POC1A: variants seen among roughly 807,000 people sequenced by gnomAD.
POC1A encodes the protein POC1 centriolar protein homolog A.
In POC1A, 34 loss-of-function variants were observed where a neutral mutation model predicts 47.8. The ratio of observed to expected loss-of-function variants is 0.71; its 90% confidence interval spans 0.54 to 0.95. POC1A has a LOEUF of 0.95. Among genes scored for constraint, POC1A ranks in the 40% least tolerant of loss-of-function variants. The probability of loss-of-function intolerance (pLI) is 0.00; values close to 1 mark genes in which losing one functional copy is unlikely to be tolerated. For missense variants in POC1A, 466 were observed against 528.3 expected (o/e 0.88, Z 1.16); for synonymous variants, 177 against 207.6 (o/e 0.85, Z 1.27).
chr3:52,140,179 C>A (rs564847006), intron 6 of POC1A, among the ~76,000 whole-genome samples: 1 of 152,270 alleles, frequency 6.6e-6, no homozygotes, highest in Non-Finnish European at 1.5e-5. Context: ...GCTGATGTGC[C>A]GATGTGCCGG....
chr3:52,113,617 G>A (rs1172563494), intron 9 of POC1A, among the ~76,000 whole-genome samples: 1 of 152,160 alleles, frequency 6.6e-6, no homozygotes, highest in Non-Finnish European at 1.5e-5. Context: ...CAGGAGAATC[G>A]CTTGAACTCG....
At chr3:52,093,257 C>T (rs1372075273) in intron 10 of POC1A, among the ~76,000 whole-genome samples, 1 of 152,200 alleles carries the variant, frequency 6.6e-6, no homozygotes, top group Admixed American at 6.5e-5. Flanking sequence ...CAGATTCAGT[C>T]CTGAGTTCTT....
At chr3:52,139,401 G>A (rs1698102697) in intron 6 of POC1A, among the ~76,000 whole-genome samples, 1 of 152,046 alleles carries the variant, frequency 6.6e-6, no homozygotes, top group Non-Finnish European at 1.5e-5. Context: ...CTTTTCTGGT[G>A]TCCCTCACTC....
intron 1 of POC1A, 35 bp from the exon 2 acceptor site, chr3:52,151,135 G>C: frequency 6.2e-7 from 1 of 1,612,556 alleles, no homozygotes; most frequent in Non-Finnish European, 8.5e-7. Context: ...TGTGAAGCCT[G>C]GGTGAGGAAG....
rs1703438696 is a variant in POC1A, at chr3:52,113,082, C to T, written c.981+9297G>A. 2.0e-5 allele frequency among the ~76,000 whole-genome samples: 3 copies of T among 152,212 alleles called. 1 individual carries two copies. The South Asian group carries it at 6.2e-4, about 32-fold the overall frequency. ...GCAGGAGGCTTACCATGATAACTGT[C>T]AAATGTTAAAAGGCCTGTCTCTTCA... is the stretch of plus-strand genomic sequence containing the variant. On this transcript the variant is annotated intron_variant, in intron 9 of 10. Transcript: ENST00000296484.
intron 1 of POC1A, among the ~76,000 whole-genome samples, chr3:52,152,250 G>A (rs1698580714): frequency 6.6e-6 from 1 of 152,120 alleles, no homozygotes; most frequent in Non-Finnish European, 1.5e-5. Context: ...ACTCCAGCCT[G>A]GGCAACAGAG....
At chr3:52,114,314 A>G (rs149786547) in intron 9 of POC1A, among the ~76,000 whole-genome samples, 1 of 152,310 alleles carries the variant, frequency 6.6e-6, no homozygotes, top group East Asian at 1.9e-4. Context: ...GCCCCAGTAC[A>G]TCCCATGTAA....
intron 9 of POC1A, among the ~76,000 whole-genome samples, chr3:52,111,672 A>T (rs1703393056): frequency 6.6e-6 from 1 of 151,006 alleles, no homozygotes; most frequent in Admixed American, 6.6e-5. Context: ...AAAAAAAAAA[A>T]AAAAGAGGCT....
At chr3:52,095,267 T>C (rs1017879975) in intron 10 of POC1A, among the ~76,000 whole-genome samples, 1 of 152,196 alleles carries the variant, frequency 6.6e-6, no homozygotes, top group Non-Finnish European at 1.5e-5. Context: ...GTCTGTACAC[T>C]GGGCCCTGGA....
At chr3:52,085,739 C>T (rs1317790674) in intron 10 of POC1A, among the ~76,000 whole-genome samples, 1 of 152,228 alleles carries the variant, frequency 6.6e-6, no homozygotes, top group African/African-American at 2.4e-5. Flanking sequence ...ACTAACTCGC[C>T]GAGCAGCCTT....
At chr3:52,082,651 C>G (rs140093313) in intron 10 of POC1A, among the ~76,000 whole-genome samples, 1 of 152,068 alleles carries the variant, frequency 6.6e-6, no homozygotes, top group African/African-American at 2.4e-5. Flanking sequence ...CAGTTCAAGA[C>G]GTGTAAAACG....
At position 52,151,097 on chromosome 3, in the gene POC1A, C is replaced by T. The variant is rs749111777; in HGVS notation, c.22G>A (p.Asp8Asn). Reference protein sequence around the residue: MAAPCAEDPSLERHFKGH... With the variant: MAAPCAENPSLERHFKGH... Reference sequence around the variant, plus strand: ...TTAAAATGCCTTTCCAGCGAGGGGTCCTCCTGAGAGAGAGCCAGGGTCAAA... The same window carrying T: ...TTAAAATGCCTTTCCAGCGAGGGGTTCTCCTGAGAGAGAGCCAGGGTCAAA... The change falls in exon 2 of 11, where the codon GAC becomes AAC. Residue 8 changes from aspartate (D) to asparagine (N), a missense_variant. Asp to Asn is a conservative substitution (Grantham distance 23). Transcript: ENST00000296484. 2.0e-5 allele frequency: 32 copies of T among 1,613,568 alleles called. No homozygotes were observed. Among genetic ancestry groups the T allele is most frequent in the Admixed American group, 5.0e-5 (3 of 59,972 alleles).
At chr3:52,081,291 G>A in intron 10 of POC1A, among the ~76,000 whole-genome samples, 1 of 152,130 alleles carries the variant, frequency 6.6e-6, no homozygotes, top group East Asian at 1.9e-4. Context: ...AGGCTGTATG[G>A]TCCACAAAGC....
At chr3:52,122,608 C>A in intron 8 of POC1A, 131 bp from the exon 9 acceptor site, 1 of 657,070 alleles carries the variant, frequency 1.5e-6, no homozygotes, top group South Asian at 1.7e-5. Flanking sequence ...CACCTGACAC[C>A]CCAACTCAAT....
At chr3:52,106,033 A>C (rs375388877) in intron 9 of POC1A, among the ~76,000 whole-genome samples, 1 of 152,074 alleles carries the variant, frequency 6.6e-6, no homozygotes, top group African/African-American at 2.4e-5. Context: ...TTTCTACTAA[A>C]AATACAAAAA....
At chr3:52,080,469 G>A (rs1203155045) in intron 10 of POC1A, among the ~76,000 whole-genome samples, 1 of 152,192 alleles carries the variant, frequency 6.6e-6, no homozygotes, top group Non-Finnish European at 1.5e-5. Context: ...CTCAGCCACA[G>A]TGGGAATGGA....
chr3:52,108,363 G>A lies in POC1A; in HGVS notation c.982-11651C>T, dbSNP rs553408435. Among the ~76,000 whole-genome samples, 6 of 152,278 alleles carry A rather than the reference G, an allele frequency of 3.9e-5. No individual in the cohort carries two copies. The East Asian group carries it at 5.8e-4, about 15-fold the overall frequency. On this transcript the variant is annotated intron_variant, in intron 9 of 10. Transcript: ENST00000296484. Reference sequence around the variant, plus strand: ...GATGAGGCATCTAATGAAGACGAGCGGCAGAGCCGACATCTCTGGGAGACG... The same window carrying A: ...GATGAGGCATCTAATGAAGACGAGCAGCAGAGCCGACATCTCTGGGAGACG...
chr3:52,084,352 C>T lies in POC1A; in HGVS notation c.1126-8367G>A, dbSNP rs1461012121. On this transcript the variant is annotated intron_variant, in intron 10 of 10. Transcript: ENST00000296484. The surrounding 1 kb of genome is among the most constrained non-coding windows in gnomAD (Gnocchi z 4.3). Reference sequence around the variant, plus strand: ...GCAAACATGGCAGGGAAGCTGGAGCCGTAACTTCTCCAAAACTGAGGAGTT... The same window carrying T: ...GCAAACATGGCAGGGAAGCTGGAGCTGTAACTTCTCCAAAACTGAGGAGTT... Among the ~76,000 whole-genome samples the T allele has an allele frequency of 1.3e-5, 2 of 152,186 alleles. No individual in the cohort carries two copies. Among genetic ancestry groups the T allele is most frequent in the South Asian group, 2.1e-4 (1 of 4,832 alleles).
At chr3:52,091,074 G>A (rs1036637460) in intron 10 of POC1A, among the ~76,000 whole-genome samples, 30 of 152,306 alleles carry the variant, frequency 2.0e-4, no homozygotes, top group African/African-American at 7.0e-4. Flanking sequence ...GGCCTCTGGG[G>A]TCAAGCCAAC....
Sources: allele counts gnomAD v4.1 joint callset (sites outside exome capture counted in the v4.1 genomes callset), GRCh38; gene constraint gnomAD v4.1.1; non-coding constraint Gnocchi (gnomAD v3.1); transcripts MANE v1.5; gene names NCBI Gene and HGNC (gene_info 2026-07-23, HGNC 2026-07-21).